Variants in SS18L1 observed in about 807,000 individuals in gnomAD.
The protein encoded by SS18L1 is calcium-responsive transactivator.
SS18L1 carries 32 observed loss-of-function variants against 70.3 expected under a neutral mutation model. That is an observed-to-expected ratio of 0.46 (90% CI 0.34 to 0.61). The LOEUF (loss-of-function observed/expected upper bound fraction) is 0.61. Ranked by LOEUF, SS18L1 falls within the 20% of genes least tolerant of loss-of-function variation. SS18L1 has a pLI of 0.01. For missense variants in SS18L1, 430 were observed against 542.1 expected, an observed-to-expected ratio of 0.79 and a Z score of 2.05; for synonymous variants, 237 against 229.7, an observed-to-expected ratio of 1.03 and a Z score of -0.29.
chr20:62,154,183 C>T (rs2057181953), intron 1 of SS18L1: 5 of 352,746 alleles, frequency 1.4e-5, no homozygotes, highest in Non-Finnish European at 2.1e-5. Flanking sequence ...CCGGTAATGG[C>T]TTTTGTAGGA....
At position 62,174,218 on chromosome 20, in the gene SS18L1, G is replaced by T. The variant is rs1226141348; in HGVS notation, c.1037-299G>T. Among the ~76,000 whole-genome samples the T allele has an allele frequency of 1.3e-5, 2 of 152,046 alleles. No homozygotes were observed. The highest frequency in any genetic ancestry group is 1.3e-4 in the Admixed American group (2 of 15,256). On this transcript the variant is annotated intron_variant, in intron 9 of 10. Transcript: ENST00000331758. The surrounding 1 kb of genome is among the most constrained non-coding windows in gnomAD (Gnocchi z 4.1). ...CCTGCCTTCAGGTAGCAGCAGTTCT[G>T]GGGTGATGGAGAGAGCCCATCAGCC...
chr20:62,156,625 G>A (rs930211489), intron 1 of SS18L1, among the ~76,000 whole-genome samples: 14 of 152,254 alleles, frequency 9.2e-5, no homozygotes, highest in African/African-American at 3.1e-4. Context: ...TGTGGGTCCG[G>A]GCTCTGCCCT....
At chr20:62,162,307 C>CTTT (rs200117060) in intron 4 of SS18L1, among the ~76,000 whole-genome samples, 2 of 148,796 alleles carry the variant, frequency 1.3e-5, no homozygotes, top group African/African-American at 5.0e-5. Flanking sequence ...GTTTTCTTTT[C>CTTT]TTTTTTTTTT....
At chr20:62,150,402 C>T (rs2057105467) in intron 1 of SS18L1, among the ~76,000 whole-genome samples, 1 of 152,214 alleles carries the variant, frequency 6.6e-6, no homozygotes, top group Non-Finnish European at 1.5e-5. Context: ...GCTTAGCCAC[C>T]TGCTGATGCT....
At chr20:62,163,665 G>A (rs369206860) in intron 6 of SS18L1, 43 bp downstream of exon 6, 146 of 1,495,786 alleles carry the variant, frequency 9.8e-5, no homozygotes, top group Non-Finnish European at 1.2e-4. Flanking sequence ...GCTGACCGCC[G>A]CGGGTCGTGA....
At chr20:62,148,508 C>A (rs2057073336) in intron 1 of SS18L1, among the ~76,000 whole-genome samples, 1 of 151,426 alleles carries the variant, frequency 6.6e-6, no homozygotes, top group African/African-American at 2.4e-5. Context: ...GTGAGGGAGG[C>A]TCGGCCTCCT....
intron 1 of SS18L1, among the ~76,000 whole-genome samples, chr20:62,146,722 C>T (rs540538417): frequency 6.8e-6 from 1 of 146,168 alleles, no homozygotes; most frequent in South Asian, 2.2e-4. Context: ...AAGGTTCAAG[C>T]GATTCTCCTG....
chr20:62,180,357 C>A lies in SS18L1; in HGVS notation c.*1149C>A, dbSNP rs772368326. On this transcript the variant is annotated 3_prime_UTR_variant, in exon 11 of 11. Coordinates refer to ENST00000331758, the MANE Select transcript of SS18L1 (RefSeq NM_198935.3). ...TTCTGTGTGAACATTAAAGACAGCA[C>A]ACTTGCAAAAGTATGGTCAAAGGAA... The A allele has an allele frequency of 1.1e-5, 2 of 187,520 alleles. No homozygotes were observed. The highest frequency in any genetic ancestry group is 2.2e-5 in the Non-Finnish European group (2 of 89,050). The allele number at this position is 187,520 out of a possible 1,614,324, so 11.6% of individuals were successfully genotyped here.
rs373921576 is a variant in SS18L1 at position 62,161,437 on chromosome 20, C to T, written c.233C>T (p.Pro78Leu). 1.0e-4 allele frequency: 164 copies of T among 1,612,756 alleles called. No homozygotes were observed. Among genetic ancestry groups the T allele is most frequent in the Non-Finnish European group, 1.0e-4 (122 of 1,180,030 alleles). The change falls in exon 4 of 11, where the codon CCG becomes CTG. Residue 78 changes from proline to leucine, a missense_variant and splice_region_variant. Physicochemically the swap from Pro to Leu is moderately conservative, Grantham distance 98. Transcript: ENST00000331758. The surrounding 1 kb of genome is among the most constrained non-coding windows in gnomAD (Gnocchi z 4.4). The stretch of plus-strand genomic sequence containing the variant: ...CTGAAAACTTCCTGTTGCCTGCAGC[C>T]GCCCACGCAGAACATGAACCTGGGC... Reference protein sequence around the residue: ...NQNMQSLLPAPPTQNMNLGPG... With the variant: ...NQNMQSLLPALPTQNMNLGPG...
chr20:62,152,710 C>T (rs1281544392), intron 1 of SS18L1, among the ~76,000 whole-genome samples: 1 of 152,124 alleles, frequency 6.6e-6, no homozygotes, highest in African/African-American at 2.4e-5. Flanking sequence ...TCAGGTGGGC[C>T]CATCACCAGC....
intron 8 of SS18L1, among the ~76,000 whole-genome samples, chr20:62,172,022 CGTT>C (rs2057540108): frequency 6.6e-6 from 1 of 152,130 alleles, no homozygotes; most frequent in South Asian, 2.1e-4. Context: ...ATTAGCCTGG[CGTT>C]GTGGCGGGCA....
intron 8 of SS18L1, among the ~76,000 whole-genome samples, chr20:62,167,038 G>GTTGTTTTTTTTTTTTTTT (rs2057445231): frequency 9.0e-6 from 1 of 110,970 alleles, no homozygotes; most frequent in African/African-American, 4.6e-5. Flanking sequence ...TCAGGAGTTT[G>GTTGTTTTTTTTTTTTTTT]TTTGTTTTTT....
chr20:62,179,103 C>G, intron 10 of SS18L1, 79 bp from the exon 11 acceptor site: 1 of 1,519,536 alleles, frequency 6.6e-7, no homozygotes, highest in Admixed American at 1.7e-5. Flanking sequence ...CTCCTACCCC[C>G]TGTCCGGGCT....
In SS18L1 at chr20:62,161,713, C is replaced by A; in HGVS notation, c.376+133C>A. 7.4e-7 allele frequency: 1 copy of A among 1,346,380 alleles called. No homozygotes were observed. 83.4% of individuals were successfully genotyped at this position (1,346,380 alleles called of 1,614,324 possible). On this transcript the variant is annotated intron_variant, in intron 4 of 10. Coordinates refer to ENST00000331758, the MANE Select transcript of SS18L1 (RefSeq NM_198935.3). The surrounding 1 kb of genome is among the most constrained non-coding windows in gnomAD (Gnocchi z 4.4). ...TGGGACCCACTCCTCCTGGGGTAGC[C>A]ACAGGTCGGCTGCCATCGCCCAGGC...
chr20:62,163,319 C>G (rs1381102570), intron 5 of SS18L1, 139 bp from the exon 6 acceptor site: 11 of 1,311,458 alleles, frequency 8.4e-6, no homozygotes, highest in Non-Finnish European at 1.1e-5. Flanking sequence ...GGAGGCGTGC[C>G]TTGCGGTGGA....
chr20:62,171,306 A>G (rs1459483763), intron 8 of SS18L1, among the ~76,000 whole-genome samples: 1 of 152,090 alleles, frequency 6.6e-6, no homozygotes, highest in East Asian at 1.9e-4. Context: ...CCACTCCCCC[A>G]TGTCTCAGAT....
chr20:62,163,121 T>C (rs1193839973), intron 5 of SS18L1, among the ~76,000 whole-genome samples, 190 bp downstream of exon 5: 1 of 152,112 alleles, frequency 6.6e-6, no homozygotes, highest in Admixed American at 6.5e-5. Context: ...GGGTGCACGA[T>C]CAACTCCTCC....
At chr20:62,154,714 T>G (rs1337141309) in intron 1 of SS18L1, among the ~76,000 whole-genome samples, 1 of 152,228 alleles carries the variant, frequency 6.6e-6, no homozygotes, top group Non-Finnish European at 1.5e-5. Flanking sequence ...TCTTTGTCCC[T>G]GGTCTTTTTT....
intron 10 of SS18L1, among the ~76,000 whole-genome samples, chr20:62,176,446 G>A (rs563680876): frequency 2.0e-5 from 3 of 152,334 alleles, no homozygotes; most frequent in Admixed American, 6.5e-5. Flanking sequence ...CCAGGAGGTC[G>A]AGGCTGTAGT....
Sources: gnomAD v4.1 joint callset for allele counts (sites outside exome capture counted in the v4.1 genomes callset) on GRCh38, gnomAD v4.1.1 for gene constraint, Gnocchi (gnomAD v3.1) non-coding constraint, MANE v1.5 for transcripts, NCBI Gene and HGNC (gene_info 2026-07-23, HGNC 2026-07-21) for gene names.